ZBTB20: variants seen among roughly 807,000 people sequenced by gnomAD.
ZBTB20 encodes the protein zinc finger and BTB domain containing 20, also known as zinc finger and BTB domain-containing protein 20.
ZBTB20 carries 9 observed loss-of-function variants against 56.9 expected under a neutral mutation model. The observed-to-expected ratio is 0.16, with a 90% CI of 0.10 to 0.28. The LOEUF is 0.28. ZBTB20 is among the 10% of genes least tolerant of loss of function. The pLI, the probability that ZBTB20 is intolerant of heterozygous loss-of-function variation, is 1.00. For synonymous variants in ZBTB20, 417 were observed against 420.7 expected (o/e 0.99, Z 0.11); for missense variants, 655 against 1,003.0 (o/e 0.65, Z 4.69).
At chr3:115,078,438 A>G (rs1018783436) in intron 1 of ZBTB20, among the ~76,000 whole-genome samples, 1 of 152,024 alleles carries the variant, frequency 6.6e-6, no homozygotes, top group South Asian at 2.1e-4. Context: ...ACAAGTAACT[A>G]AAGTTTTCAC....
intron 3 of ZBTB20, among the ~76,000 whole-genome samples, chr3:114,937,003 A>G (rs1355025745): frequency 6.6e-6 from 1 of 152,252 alleles, no homozygotes; most frequent in African/African-American, 2.4e-5. Context: ...ATCTGCATGC[A>G]GGAAAGTCCT....
rs1281869211 is a variant in ZBTB20 at position 114,710,194 on chromosome 3, T to TA, written c.-342-16620dup. On this transcript the variant is annotated intron_variant, in intron 5 of 11. Coordinates refer to ENST00000675478, the MANE Select transcript of ZBTB20 (RefSeq NM_001348800.3). ...CTTTGCAATGTATATCAGGGAATTT[T>TA]AAAAAATAGCAGACTGAATTGAGAC... 2.0e-5 allele frequency: 3 copies of TA among 152,194 alleles called. No homozygotes were observed. In the East Asian group the frequency reaches 5.8e-4, roughly 29 times the overall value. The allele number at this position is 152,194 out of a possible 1,614,324, so 9.4% of individuals were successfully genotyped here.
intron 7 of ZBTB20, among the ~76,000 whole-genome samples, chr3:114,457,797 G>A (rs943144885): frequency 1.3e-5 from 2 of 152,112 alleles, no homozygotes; most frequent in African/African-American, 2.4e-5. Flanking sequence ...AAGATCACAC[G>A]CCTAGCAAGT....
intron 1 of ZBTB20, among the ~76,000 whole-genome samples, chr3:115,073,832 G>A (rs1576713708): frequency 6.6e-6 from 1 of 151,846 alleles, no homozygotes; most frequent in Non-Finnish European, 1.5e-5. Flanking sequence ...CTTAATTCTA[G>A]TAAACTAAAT....
intron 6 of ZBTB20, among the ~76,000 whole-genome samples, chr3:114,675,243 G>A (rs1396632077): frequency 1.3e-5 from 2 of 150,594 alleles, no homozygotes; most frequent in Admixed American, 6.7e-5. Context: ...AGCATTGTCT[G>A]AAAGACACAG....
intron 1 of ZBTB20, among the ~76,000 whole-genome samples, chr3:115,140,903 C>A (rs2084795144): frequency 6.6e-6 from 1 of 152,100 alleles, no homozygotes. Context: ...TATCTGTGAG[C>A]TGACAGTAAA....
chr3:114,732,979 A>T (rs1227691517), intron 5 of ZBTB20, among the ~76,000 whole-genome samples: 1 of 152,190 alleles, frequency 6.6e-6, no homozygotes, highest in Non-Finnish European at 1.5e-5. Context: ...CAAACAAATC[A>T]TACATAAATG....
chr3:114,864,706 G>A (rs1042697743), intron 4 of ZBTB20, among the ~76,000 whole-genome samples: 7 of 152,070 alleles, frequency 4.6e-5, no homozygotes, highest in Non-Finnish European at 1.0e-4. Context: ...ATGCATGGAG[G>A]AAGTTGGTAA....
intron 2 of ZBTB20, among the ~76,000 whole-genome samples, chr3:115,050,538 T>A (rs1357863629): frequency 6.6e-6 from 1 of 152,004 alleles, no homozygotes; most frequent in Non-Finnish European, 1.5e-5. Flanking sequence ...TATATAAAAA[T>A]AATTTTAATA....
At chr3:114,490,132 G>T (rs1490667301) in intron 7 of ZBTB20, among the ~76,000 whole-genome samples, 5 of 152,078 alleles carry the variant, frequency 3.3e-5, no homozygotes, top group African/African-American at 1.2e-4. Context: ...TTTTAAATGG[G>T]AGTTCCCTTG....
chr3:114,813,514 G>A (rs556559507), intron 4 of ZBTB20, among the ~76,000 whole-genome samples: 3 of 152,156 alleles, frequency 2.0e-5, no homozygotes, highest in Non-Finnish European at 4.4e-5. Flanking sequence ...ATTTTGCAAG[G>A]CTGAGATGGG....
chr3:115,141,505 C>T (rs549596515), intron 1 of ZBTB20, among the ~76,000 whole-genome samples: 1 of 152,234 alleles, frequency 6.6e-6, no homozygotes, highest in African/African-American at 2.4e-5. Flanking sequence ...AAAGCAAAAT[C>T]AAAACATATT....
chr3:114,710,045 CTG>C (rs1396001406), intron 5 of ZBTB20, among the ~76,000 whole-genome samples: 1 of 152,160 alleles, frequency 6.6e-6, no homozygotes, highest in Non-Finnish European at 1.5e-5. Context: ...ACTACAGAAT[CTG>C]TGTCTTCCCC....
Position 115,032,695 on chromosome 3 carries a change from C to T in ZBTB20, c.-507+38524G>A, listed in dbSNP as rs555887203. Among the ~76,000 whole-genome samples the T allele has an allele frequency of 2.6e-5, 4 of 151,306 alleles. No homozygotes were observed. The South Asian group carries it at 8.3e-4, about 31-fold the overall frequency. ...ATAGACAAATATCATACAAAGTATC[C>T]TTTCTGACCACAAAGGGATAAAGTT... On this transcript the variant is annotated intron_variant, in intron 2 of 11. Coordinates refer to ENST00000675478, the MANE Select transcript of ZBTB20 (RefSeq NM_001348800.3).
intron 7 of ZBTB20, among the ~76,000 whole-genome samples, chr3:114,478,636 A>G (rs1437482421): frequency 6.6e-6 from 1 of 152,174 alleles, no homozygotes; most frequent in Non-Finnish European, 1.5e-5. Context: ...AATAACTTTA[A>G]AACAGTCCAT....
chr3:114,940,082 A>G (rs2076675509), intron 3 of ZBTB20, among the ~76,000 whole-genome samples: 1 of 18,884 alleles, frequency 5.3e-5, no homozygotes, highest in Admixed American at 7.7e-4. Flanking sequence ...TGTGTTCACT[A>G]GTGCATTCAT....
intron 5 of ZBTB20, among the ~76,000 whole-genome samples, chr3:114,799,554 A>C (rs1419097787): frequency 2.0e-5 from 3 of 151,938 alleles, no homozygotes; most frequent in Non-Finnish European, 4.4e-5. Context: ...GACTTTTAAA[A>C]AGTTTTGAAA....
intron 1 of ZBTB20, among the ~76,000 whole-genome samples, chr3:115,072,984 A>G (rs1291144423): frequency 6.6e-6 from 1 of 152,204 alleles, no homozygotes; most frequent in Non-Finnish European, 1.5e-5. Flanking sequence ...TAATAAGATA[A>G]TATTTACCTC....
rs111842982 is a variant in ZBTB20, at chr3:114,945,533, C to G, written c.-456+28833G>C. On this transcript the variant is annotated intron_variant, in intron 3 of 11. Coordinates refer to ENST00000675478, the MANE Select transcript of ZBTB20 (RefSeq NM_001348800.3). ...ACAGTAGAGCTCATTAGGGTAACCA[C>G]TAAGAAAAATTAAAAATACGTAATT... Among the ~76,000 whole-genome samples the G allele has an allele frequency of 4.9e-5, 7 of 143,636 alleles. 2 individuals carry two copies. The South Asian group carries it at 6.5e-4, about 13-fold the overall frequency. 94.2% of individuals were successfully genotyped at this position (143,636 alleles called of 152,430 possible).
Sources: allele counts gnomAD v4.1 joint callset (sites outside exome capture counted in the v4.1 genomes callset), GRCh38; gene constraint gnomAD v4.1.1; transcripts MANE v1.5; gene names NCBI Gene and HGNC (gene_info 2026-07-23, HGNC 2026-07-21).